Variants in HPSE2 observed in about 807,000 individuals in gnomAD.
HPSE2 encodes the protein heparanase 2 (inactive), also known as inactive heparanase-2.
HPSE2 carries 38 observed loss-of-function variants against 60.5 expected under a neutral mutation model. The observed-to-expected ratio is 0.63, with a 90% CI of 0.48 to 0.82. HPSE2 has a LOEUF of 0.82. Among genes scored for constraint, HPSE2 ranks in the 40% least tolerant of loss-of-function variants. HPSE2 has a pLI of 0.00. For missense variants in HPSE2, 713 were observed against 740.4 expected, an observed-to-expected ratio of 0.96 and a Z score of 0.43; for synonymous variants, 295 against 293.2, an observed-to-expected ratio of 1.01 and a Z score of -0.06.
intron 2 of HPSE2, among the ~76,000 whole-genome samples, chr10:99,177,116 A>G (rs956425727): frequency 1.3e-5 from 2 of 152,206 alleles, no homozygotes; most frequent in East Asian, 1.9e-4. Context: ...GAGCTCCTGA[A>G]GGAAGCACTA....
intron 3 of HPSE2, among the ~76,000 whole-genome samples, chr10:98,753,974 A>G (rs1445756809): frequency 6.6e-6 from 1 of 152,192 alleles, no homozygotes; most frequent in Non-Finnish European, 1.5e-5. Flanking sequence ...AAATGACCAC[A>G]CTAGCTTCCC....
At chr10:98,779,319 A>G (rs985435682) in intron 3 of HPSE2, among the ~76,000 whole-genome samples, 1 of 152,140 alleles carries the variant, frequency 6.6e-6, no homozygotes, top group African/African-American at 2.4e-5. Flanking sequence ...CTTTCAAAAG[A>G]CTCAAAGCTC....
intron 3 of HPSE2, among the ~76,000 whole-genome samples, chr10:99,070,492 C>G (rs991435266): frequency 6.6e-6 from 1 of 152,040 alleles, no homozygotes; most frequent in Non-Finnish European, 1.5e-5. Context: ...AAAGATAATT[C>G]TTTTTTATTG....
At chr10:98,860,491 C>T (rs1952431423) in intron 3 of HPSE2, among the ~76,000 whole-genome samples, 1 of 152,162 alleles carries the variant, frequency 6.6e-6, no homozygotes, top group South Asian at 2.1e-4. Context: ...TGAGCATTTT[C>T]TACATGTTTT....
chr10:98,617,821 G>C (rs1359047645), intron 8 of HPSE2, among the ~76,000 whole-genome samples: 1 of 152,140 alleles, frequency 6.6e-6, no homozygotes, highest in Non-Finnish European at 1.5e-5. Context: ...CATACCAAGA[G>C]TATTTGTGGT....
the HPSE2 span, among the ~76,000 whole-genome samples, chr10:99,300,515 T>C: frequency 6.6e-6 from 1 of 152,218 alleles, no homozygotes; most frequent in Admixed American, 6.5e-5. Flanking sequence ...ACTCACCCCC[T>C]TGGTTGTACC....
rs140641098 is a variant in HPSE2 at position 98,603,599 on chromosome 10, T to C, written c.1320+11305A>G. Among the ~76,000 whole-genome samples, 1,051 of 151,968 alleles carry C rather than the reference T, an allele frequency of 6.9e-3. 15 individuals are homozygous for C. Among genetic ancestry groups the C allele is most frequent in the African/African-American group, 0.024 (1,013 of 41,446 alleles). On this transcript the variant is annotated intron_variant, in intron 9 of 11. Transcript: ENST00000370552. ...CACACACCACCATGCCAGGCTAATT[T>C]TTTGTATTTTAGTAGTAACGGGGTT...
At chr10:98,798,573 A>G (rs967789182) in intron 3 of HPSE2, among the ~76,000 whole-genome samples, 9 of 152,216 alleles carry the variant, frequency 5.9e-5, no homozygotes, top group African/African-American at 2.2e-4. Context: ...CAAAAGTTAA[A>G]AATTGAGGGG....
At chr10:98,561,177 G>GT (rs1005554135) in intron 9 of HPSE2, among the ~76,000 whole-genome samples, 100 of 88,660 alleles carry the variant, frequency 1.1e-3, no homozygotes, top group African/African-American at 3.3e-3. Flanking sequence ...TCTTTTTTTT[G>GT]TTTTTTTGAC....
intron 3 of HPSE2, among the ~76,000 whole-genome samples, chr10:98,829,892 C>T (rs908009499): frequency 5.3e-5 from 8 of 151,858 alleles, no homozygotes; most frequent in African/African-American, 1.7e-4. Flanking sequence ...AAGAAAACAA[C>T]AGGATACATG....
intron 3 of HPSE2, among the ~76,000 whole-genome samples, chr10:98,967,866 C>G (rs2135256466): frequency 8.2e-6 from 1 of 121,712 alleles, no homozygotes; most frequent in Non-Finnish European, 2.0e-5. Flanking sequence ...TGACCAGAGG[C>G]TACAAGCAAA....
chr10:98,920,276 C>T (rs1419583785), intron 3 of HPSE2, among the ~76,000 whole-genome samples: 1 of 152,134 alleles, frequency 6.6e-6, no homozygotes, highest in Non-Finnish European at 1.5e-5. Flanking sequence ...TGGGGCTCTT[C>T]CTGCCCAATT....
chr10:98,592,905 G>C (rs1208438788), intron 9 of HPSE2, among the ~76,000 whole-genome samples: 1 of 152,166 alleles, frequency 6.6e-6, no homozygotes, highest in Non-Finnish European at 1.5e-5. Flanking sequence ...TGCCTGAATG[G>C]AGGGTATCTT....
At chr10:98,926,701 G>C (rs1002848531) in intron 3 of HPSE2, among the ~76,000 whole-genome samples, 2 of 151,992 alleles carry the variant, frequency 1.3e-5, no homozygotes, top group Admixed American at 1.3e-4. Flanking sequence ...AAGCCCACAA[G>C]GTAAAAAAAT....
At chr10:98,942,017 G>A (rs1955021670) in intron 3 of HPSE2, among the ~76,000 whole-genome samples, 1 of 143,228 alleles carries the variant, frequency 7.0e-6, no homozygotes. Context: ...TGGGAAAACT[G>A]GCTAGCCATA....
chr10:99,164,065 CT>C (rs1846956260), intron 2 of HPSE2, among the ~76,000 whole-genome samples: 1 of 151,260 alleles, frequency 6.6e-6, no homozygotes, highest in African/African-American at 2.4e-5. Context: ...ATTCTGTAAA[CT>C]TTTGCCCACT....
intron 3 of HPSE2, among the ~76,000 whole-genome samples, chr10:98,794,220 G>A (rs994791303): frequency 2.0e-5 from 3 of 151,554 alleles, no homozygotes; most frequent in African/African-American, 7.3e-5. Context: ...GTTATTGAGA[G>A]CCCAGCATTA....
At chr10:99,015,075 C>T (rs998518380) in intron 3 of HPSE2, among the ~76,000 whole-genome samples, 3 of 152,148 alleles carry the variant, frequency 2.0e-5, no homozygotes, top group Non-Finnish European at 4.4e-5. Flanking sequence ...AAAGGCTCAT[C>T]ATCACTGGCC....
At chr10:99,304,657 C>T in the HPSE2 span, among the ~76,000 whole-genome samples, 1 of 152,182 alleles carries the variant, frequency 6.6e-6, no homozygotes, top group Admixed American at 6.5e-5. Context: ...GAGAACCATT[C>T]ATAGGTGATG....
Sources: allele counts gnomAD v4.1 joint callset (sites outside exome capture counted in the v4.1 genomes callset), GRCh38; gene constraint gnomAD v4.1.1; transcripts MANE v1.5; gene names NCBI Gene and HGNC (gene_info 2026-07-23, HGNC 2026-07-21).